The following AGBL4 variants were observed in gnomAD, a reference collection of about 807,000 sequenced individuals.
AGBL4 encodes the protein cytosolic carboxypeptidase 6.
A neutral mutation model predicts 66.4 loss-of-function variants in AGBL4; 58 were observed. That is an observed-to-expected ratio of 0.87 (90% CI 0.71 to 1.09). The LOEUF is 1.09. AGBL4 is among the 50% of genes least tolerant of loss of function. The probability of loss-of-function intolerance (pLI) is 0.00; values close to 1 mark genes in which losing one functional copy is unlikely to be tolerated. For missense variants in AGBL4, 579 were observed against 631.0 expected (o/e 0.92, Z 0.88); for synonymous variants, 234 against 222.9 (o/e 1.05, Z -0.44).
At chr1:48,943,909 C>T (rs967381490) in intron 5 of AGBL4, among the ~76,000 whole-genome samples, 4 of 152,122 alleles carry the variant, frequency 2.6e-5, no homozygotes, top group South Asian at 4.2e-4. Context: ...GAAGGCTTCA[C>T]GGATTCATAT....
intron 4 of AGBL4, among the ~76,000 whole-genome samples, chr1:49,077,592 A>G (rs1644734949): frequency 6.6e-6 from 1 of 152,198 alleles, no homozygotes; most frequent in Non-Finnish European, 1.5e-5. Context: ...TTAGTAAGGT[A>G]TCTAGGTATG....
intron 1 of AGBL4, among the ~76,000 whole-genome samples, chr1:49,984,903 G>A (rs1659369772): frequency 6.6e-6 from 1 of 152,274 alleles, no homozygotes; most frequent in East Asian, 1.9e-4. Context: ...TTCAAAAAGA[G>A]CACATAGATT....
chr1:49,995,791 T>G (rs1170641779), intron 1 of AGBL4: 1 of 153,998 alleles, frequency 6.5e-6, no homozygotes, highest in African/African-American at 2.4e-5. Context: ...AGAGTCCACT[T>G]CACTCCCCTG....
chr1:48,538,442 A>C (rs1433421532), intron 12 of AGBL4, among the ~76,000 whole-genome samples: 4 of 152,190 alleles, frequency 2.6e-5, no homozygotes, highest in African/African-American at 9.7e-5. Context: ...GAGGCCAAGA[A>C]ACTTGCCTAA....
intron 4 of AGBL4, among the ~76,000 whole-genome samples, chr1:49,143,464 TTCTG>T (rs1330475045): frequency 2.0e-5 from 3 of 152,182 alleles, no homozygotes; most frequent in Non-Finnish European, 1.5e-5. Flanking sequence ...ATTCTGTCTA[TTCTG>T]TCTATCTCTG....
At position 49,175,014 on chromosome 1, in the gene AGBL4, T is replaced by C. The variant is rs549651095; in HGVS notation, c.377+70756A>G. 55 of 152,246 alleles carry C rather than the reference T, an allele frequency of 3.6e-4. 1 individual carries two copies. Among genetic ancestry groups the C allele is most frequent in the African/African-American group, 1.3e-3 (54 of 41,572 alleles). 9.4% of individuals were successfully genotyped at this position (152,246 alleles called of 1,614,324 possible). A position where few individuals can be genotyped will look rare whatever the true frequency, so the allele number is the denominator to read the frequency against. ...ATGTGATATGGACTCACCTGAGGTTTGAAGTCATCCAAAAAGAAACCAAAA... is the reference window on the plus strand; with the variant it reads ...ATGTGATATGGACTCACCTGAGGTTCGAAGTCATCCAAAAAGAAACCAAAA... On this transcript the variant is annotated intron_variant, in intron 4 of 13. Coordinates refer to ENST00000371839, the MANE Select transcript of AGBL4 (RefSeq NM_032785.4).
chr1:49,163,842 A>T (rs1342237370), intron 4 of AGBL4, among the ~76,000 whole-genome samples: 1 of 152,196 alleles, frequency 6.6e-6, no homozygotes, highest in Non-Finnish European at 1.5e-5. Context: ...AGAAAGGATC[A>T]CAATAAAAAA....
rs71056686 is a variant in AGBL4, at chr1:48,935,958, G to GAAAAAA, written c.595-68734_595-68729dup. ...TGGGTGACAGAGCGAGACTCTGTCT[G>GAAAAAA]AAAAAAAAAAAAAAAAAAAAAAAAA... On this transcript the variant is annotated intron_variant, in intron 5 of 13. Coordinates refer to ENST00000371839, the MANE Select transcript of AGBL4 (RefSeq NM_032785.4). 8.1e-4 allele frequency among the ~76,000 whole-genome samples: 20 copies of GAAAAAA among 24,596 alleles called. 6 individuals are homozygous for GAAAAAA. Among genetic ancestry groups the GAAAAAA allele is most frequent in the Non-Finnish European group, 1.5e-3 (18 of 11,756 alleles). 16.1% of individuals were successfully genotyped at this position (24,596 alleles called of 152,430 possible).
intron 3 of AGBL4, among the ~76,000 whole-genome samples, chr1:49,361,545 C>G (rs550362307): frequency 6.6e-6 from 1 of 152,248 alleles, no homozygotes; most frequent in African/African-American, 2.4e-5. Flanking sequence ...AGGGTGGCCT[C>G]AAACTCCTGA....
At chr1:48,581,150 T>A (rs1022853761) in intron 11 of AGBL4, among the ~76,000 whole-genome samples, 3 of 152,198 alleles carry the variant, frequency 2.0e-5, no homozygotes, top group African/African-American at 4.8e-5. Flanking sequence ...GAGACCAAGC[T>A]TTTTTCATCT....
At chr1:48,553,199 T>C (rs1644274683) in intron 11 of AGBL4, among the ~76,000 whole-genome samples, 1 of 152,056 alleles carries the variant, frequency 6.6e-6, no homozygotes, top group Non-Finnish European at 1.5e-5. Context: ...GAAAATTGGC[T>C]CTTGGAATCA....
chr1:48,747,254 A>G (rs1283460805), intron 6 of AGBL4, among the ~76,000 whole-genome samples: 1 of 152,186 alleles, frequency 6.6e-6, no homozygotes. Context: ...TTTTTTTTAA[A>G]AAAGGGCTTT....
intron 1 of AGBL4, among the ~76,000 whole-genome samples, chr1:49,947,439 A>T (rs1166823693): frequency 6.6e-6 from 1 of 151,966 alleles, no homozygotes; most frequent in Non-Finnish European, 1.5e-5. Context: ...TAAAAACAAA[A>T]ATCACATCAT....
rs1652685568 is a variant in AGBL4, at chr1:49,548,457, C to A, written c.282+148856G>T. On this transcript the variant is annotated intron_variant, in intron 3 of 13. Transcript: ENST00000371839. ...TACATTGAAGTATGTCCCTTGTATG[C>A]CAATTTTGCTGAAAGTTTTAATCAT... is the stretch of plus-strand genomic sequence containing the variant. 2.0e-5 allele frequency among the ~76,000 whole-genome samples: 3 copies of A among 152,058 alleles called. No individual in the cohort carries two copies. The South Asian group carries it at 6.2e-4, about 32-fold the overall frequency.
chr1:48,625,092 CCTTCCTT>C (rs1431303982), intron 9 of AGBL4, among the ~76,000 whole-genome samples: 3 of 9,368 alleles, frequency 3.2e-4, no homozygotes, highest in Non-Finnish European at 2.0e-3. Flanking sequence ...TTTTCTTTCT[CCTTCCTT>C]CCTTCCTTCC....
intron 9 of AGBL4, among the ~76,000 whole-genome samples, chr1:48,620,411 G>C (rs980382659): frequency 6.6e-6 from 1 of 152,106 alleles, no homozygotes; most frequent in African/African-American, 2.4e-5. Context: ...CTAGTATCTA[G>C]GACTACAGGT....
chr1:48,642,788 A>G, intron 8 of AGBL4, among the ~76,000 whole-genome samples: 1 of 152,178 alleles, frequency 6.6e-6, no homozygotes, highest in East Asian at 1.9e-4. Flanking sequence ...TCTTAAGTGA[A>G]AAAGGACAGA....
chr1:49,842,266 C>A, intron 2 of AGBL4: 2 of 444,490 alleles, frequency 4.5e-6, no homozygotes, highest in Non-Finnish European at 8.7e-6. Context: ...TAATGCTGGA[C>A]GCCTTCAGGC....
chr1:49,039,575 C>T (rs1242062847), intron 5 of AGBL4, among the ~76,000 whole-genome samples: 4 of 152,032 alleles, frequency 2.6e-5, no homozygotes, highest in Non-Finnish European at 5.9e-5. Flanking sequence ...AGAAAGTTGC[C>T]AAGATAATTC....
Sources: gnomAD v4.1 joint callset for allele counts (sites outside exome capture counted in the v4.1 genomes callset) on GRCh38, gnomAD v4.1.1 for gene constraint, MANE v1.5 for transcripts, NCBI Gene and HGNC (gene_info 2026-07-23, HGNC 2026-07-21) for gene names.